Variants in HS3ST3B1 observed in about 807,000 individuals in gnomAD.
HS3ST3B1 encodes the protein heparan sulfate-glucosamine 3-sulfotransferase 3B1, also known as heparan sulfate glucosamine 3-O-sulfotransferase 3B1.
HS3ST3B1 carries 13 observed loss-of-function variants against 21.3 expected under a neutral mutation model. That is an observed-to-expected ratio of 0.61 (90% CI 0.40 to 0.97). The LOEUF is 0.97. HS3ST3B1 is among the 50% of genes least tolerant of loss of function. HS3ST3B1 has a pLI of 0.00. For missense variants in HS3ST3B1, 459 were observed against 554.8 expected, an observed-to-expected ratio of 0.83 and a Z score of 1.73; for synonymous variants, 234 against 254.8, an observed-to-expected ratio of 0.92 and a Z score of 0.78.
intron 1 of HS3ST3B1, among the ~76,000 whole-genome samples, chr17:14,302,655 C>T (rs1194864460): frequency 1.3e-5 from 2 of 151,990 alleles, no homozygotes; most frequent in Non-Finnish European, 2.9e-5. Flanking sequence ...CGCCTGGGCT[C>T]GGGAGGGTGA....
intron 1 of HS3ST3B1, among the ~76,000 whole-genome samples, chr17:14,336,070 C>T (rs1371115702): frequency 6.6e-6 from 1 of 152,104 alleles, no homozygotes; most frequent in East Asian, 1.9e-4. Flanking sequence ...TCCTAACGGG[C>T]CAGGAGAAGT....
chr17:14,344,006 C>T (rs532226651), intron 1 of HS3ST3B1, among the ~76,000 whole-genome samples: 15 of 151,960 alleles, frequency 9.9e-5, no homozygotes, highest in African/African-American at 3.4e-4. Context: ...CAGCAATTCT[C>T]CTGCCTCAGC....
intron 1 of HS3ST3B1, chr17:14,304,278 G>A (rs1909055079): frequency 6.6e-6 from 1 of 152,246 alleles, no homozygotes; most frequent in Non-Finnish European, 1.5e-5. Context: ...CACAGGGCCC[G>A]GGGCGGTGAC....
At chr17:14,306,088 A>G (rs1244461745) in intron 1 of HS3ST3B1, among the ~76,000 whole-genome samples, 1 of 152,200 alleles carries the variant, frequency 6.6e-6, no homozygotes, top group African/African-American at 2.4e-5. Flanking sequence ...AGTTTGCTTT[A>G]GAAGAGTTTG....
At chr17:14,332,238 A>G (rs1274884716) in intron 1 of HS3ST3B1, among the ~76,000 whole-genome samples, 1 of 152,126 alleles carries the variant, frequency 6.6e-6, no homozygotes, top group African/African-American at 2.4e-5. Flanking sequence ...AGGTTAGTAC[A>G]TTGGCTTTCG....
At chr17:14,313,656 C>T (rs531952260) in intron 1 of HS3ST3B1, among the ~76,000 whole-genome samples, 27 of 152,198 alleles carry the variant, frequency 1.8e-4, no homozygotes, top group Non-Finnish European at 3.5e-4. Flanking sequence ...CTGCAACCTC[C>T]GCCTTCCAGG....
At chr17:14,329,108 C>T (rs548389893) in intron 1 of HS3ST3B1, 5 of 152,100 alleles carry the variant, frequency 3.3e-5, no homozygotes, top group East Asian at 1.9e-4. Flanking sequence ...TTAAGTCAAG[C>T]GCTGATTGAA....
intron 1 of HS3ST3B1, among the ~76,000 whole-genome samples, chr17:14,315,866 C>T (rs1051386374): frequency 2.0e-5 from 3 of 151,686 alleles, no homozygotes; most frequent in Non-Finnish European, 4.4e-5. Context: ...AAAAAGAGTT[C>T]CATGTTAGCA....
intron 1 of HS3ST3B1, among the ~76,000 whole-genome samples, chr17:14,341,417 T>C (rs1287020290): frequency 1.3e-5 from 2 of 152,208 alleles, no homozygotes; most frequent in East Asian, 3.9e-4. Context: ...CTTTCCAAGA[T>C]CCTGTCAACA....
At chr17:14,334,163 AG>A (rs1910115130) in intron 1 of HS3ST3B1, among the ~76,000 whole-genome samples, 1 of 152,206 alleles carries the variant, frequency 6.6e-6, no homozygotes. Flanking sequence ...GACATTGCAG[AG>A]GCAAAGAGAA....
At position 14,346,677 on chromosome 17, in the gene HS3ST3B1, T is replaced by C. The variant is rs1476490391; in HGVS notation, c.*1031T>C. 1 of 152,302 alleles carries C rather than the reference T, an allele frequency of 6.6e-6. No individual in the cohort carries two copies. Among genetic ancestry groups the C allele is most frequent in the East Asian group, 1.9e-4 (1 of 5,186 alleles). The allele number at this position is 152,302 out of a possible 1,614,324, so 9.4% of individuals were successfully genotyped here. A position where few individuals can be genotyped will look rare whatever the true frequency, so the allele number is the denominator to read the frequency against. On this transcript the variant is annotated 3_prime_UTR_variant, in exon 2 of 2. Transcript: ENST00000360954. ...ACCAGTTTGAAGTGTATGTAGATTGTTGCCCCGTCTTTCCCAGGTCACATG... is the reference window on the plus strand; with the variant it reads ...ACCAGTTTGAAGTGTATGTAGATTGCTGCCCCGTCTTTCCCAGGTCACATG...
At chr17:14,341,304 C>T (rs1910374785) in intron 1 of HS3ST3B1, among the ~76,000 whole-genome samples, 1 of 152,334 alleles carries the variant, frequency 6.6e-6, no homozygotes, top group South Asian at 2.1e-4. Context: ...AGCATTCCTG[C>T]ACTTAGCCTC....
intron 1 of HS3ST3B1, among the ~76,000 whole-genome samples, chr17:14,336,902 A>ATTTGGG: frequency 6.6e-6 from 1 of 152,222 alleles, no homozygotes; most frequent in East Asian, 1.9e-4. Flanking sequence ...GAGGCTGACA[A>ATTTGGG]GACCAAGATT....
At chr17:14,307,937 A>T (rs1227881889) in intron 1 of HS3ST3B1, among the ~76,000 whole-genome samples, 1 of 152,222 alleles carries the variant, frequency 6.6e-6, no homozygotes, top group East Asian at 1.9e-4. Flanking sequence ...CAGCAAAATG[A>T]GTCCCCCAAG....
At chr17:14,316,726 T>G (rs1018408266) in intron 1 of HS3ST3B1, among the ~76,000 whole-genome samples, 2 of 152,206 alleles carry the variant, frequency 1.3e-5, no homozygotes, top group Admixed American at 1.3e-4. Flanking sequence ...ATTTTCCCCC[T>G]TTTGTGTGGC....
In HS3ST3B1 at chr17:14,345,750, T is replaced by A; in HGVS notation, c.*104T>A. 1 of 1,378,314 alleles carries A rather than the reference T, an allele frequency of 7.3e-7. No homozygotes were observed. The highest frequency in any genetic ancestry group is 2.2e-4 in the Middle Eastern group (1 of 4,620). The allele number at this position is 1,378,314 out of a possible 1,614,324, so 85.4% of individuals were successfully genotyped here. A position where few individuals can be genotyped will look rare whatever the true frequency, so the allele number is the denominator to read the frequency against. ...TATTTTATAATAATTTATTTTTAAT[T>A]CATAAGCAATTAATTCACTAAGCTG... is the stretch of plus-strand genomic sequence containing the variant. On this transcript the variant is annotated 3_prime_UTR_variant, in exon 2 of 2. Coordinates refer to ENST00000360954, the MANE Select transcript of HS3ST3B1 (RefSeq NM_006041.3).
At chr17:14,342,638 A>G (rs1910423795) in intron 1 of HS3ST3B1, among the ~76,000 whole-genome samples, 1 of 152,192 alleles carries the variant, frequency 6.6e-6, no homozygotes, top group Non-Finnish European at 1.5e-5. Context: ...TAATTGTTTA[A>G]TCCTCATTAA....
intron 1 of HS3ST3B1, among the ~76,000 whole-genome samples, chr17:14,343,486 C>T (rs1037238176): frequency 2.6e-5 from 4 of 152,176 alleles, no homozygotes; most frequent in Non-Finnish European, 5.9e-5. Context: ...CTTTCATCAT[C>T]TTCCCTTTAA....
intron 1 of HS3ST3B1, among the ~76,000 whole-genome samples, chr17:14,314,201 A>G (rs1909427722): frequency 6.8e-6 from 1 of 148,084 alleles, no homozygotes; most frequent in Non-Finnish European, 1.5e-5. Context: ...CTGGTCTTGA[A>G]CTCCTGACCT....
Sources: allele counts gnomAD v4.1 joint callset (sites outside exome capture counted in the v4.1 genomes callset), GRCh38; gene constraint gnomAD v4.1.1; transcripts MANE v1.5; gene names NCBI Gene and HGNC (gene_info 2026-07-23, HGNC 2026-07-21).